Variants in FBXO8 observed in about 807,000 individuals in gnomAD.
FBXO8 encodes F-box protein 8, also known as F-box only protein 8.
A neutral mutation model predicts 33.4 loss-of-function variants in FBXO8; 15 were observed. The observed-to-expected ratio is 0.45, with a 90% CI of 0.30 to 0.69. The LOEUF is 0.69. FBXO8 is among the 30% of genes least tolerant of loss of function. The pLI is 0.08. For missense variants in FBXO8, 274 were observed against 380.3 expected (o/e 0.72, Z 2.32); for synonymous variants, 132 against 131.5 (o/e 1.00, Z -0.02).
intron 1 of FBXO8, among the ~76,000 whole-genome samples, chr4:174,279,386 C>T (rs760179160): frequency 3.8e-4 from 58 of 152,030 alleles, no homozygotes; most frequent in Non-Finnish European, 6.8e-4. Flanking sequence ...GGAAGTACAT[C>T]CTGTGGTTAC....
Position 174,237,750 on chromosome 4 carries a change from T to A in FBXO8, c.773-151A>T, listed in dbSNP as rs995443430. 16 of 679,912 alleles carry A rather than the reference T, an allele frequency of 2.4e-5. No individual in the cohort carries two copies. The African/African-American group carries it at 2.7e-4, about 12-fold the overall frequency. The allele number at this position is 679,912 out of a possible 1,614,324, so 42.1% of individuals were successfully genotyped here. ...CCAATCCATCCCAGTTTGTCTAGAC[T>A]CTTCCCAGTTTTGCACTGAAAGTCC... On this transcript the variant is annotated intron_variant, in intron 5 of 5. Transcript: ENST00000393674. The surrounding 1 kb of genome is among the most constrained non-coding windows in gnomAD (Gnocchi z 4.4).
Position 174,263,117 on chromosome 4 carries a change from A to C in FBXO8, c.-8-17T>G. 2 of 1,604,966 alleles carry C rather than the reference A, an allele frequency of 1.2e-6. No individual in the cohort carries two copies. Among genetic ancestry groups the C allele is most frequent in the Non-Finnish European group, 1.7e-6 (2 of 1,173,210 alleles). On this transcript the variant is annotated splice_polypyrimidine_tract_variant and intron_variant, in intron 1 of 5. Transcript: ENST00000393674. The surrounding 1 kb of genome is among the most constrained non-coding windows in gnomAD (Gnocchi z 4.2). The stretch of plus-strand genomic sequence containing the variant: ...TCTGCAAGCCTGGGAAAAAGCCAGA[A>C]TGTAATAAGGGTGACATTTAAAAAG...
At position 174,245,694 on chromosome 4, in the gene FBXO8, T is replaced by G. The variant is rs1057468091; in HGVS notation, c.457-4476A>C. Among the ~76,000 whole-genome samples the G allele has an allele frequency of 6.6e-6, 1 of 151,904 alleles. No homozygotes were observed. Among genetic ancestry groups the G allele is most frequent in the Admixed American group, 6.6e-5 (1 of 15,172 alleles). ...TAAAGATAAATAATGAAAGAAAAAT[T>G]AGATAGTGGGCTATTCAGCGGAGCA... On this transcript the variant is annotated intron_variant, in intron 3 of 5. Coordinates refer to ENST00000393674, the MANE Select transcript of FBXO8 (RefSeq NM_012180.3). The surrounding 1 kb of genome is among the most constrained non-coding windows in gnomAD (Gnocchi z 4.6).
chr4:174,241,049 C>A lies in FBXO8; in HGVS notation c.575+51G>T. 1 of 1,150,590 alleles carries A rather than the reference C, an allele frequency of 8.7e-7. No individual in the cohort carries two copies. Among genetic ancestry groups the A allele is most frequent in the Non-Finnish European group, 1.3e-6 (1 of 788,470 alleles). The allele number at this position is 1,150,590 out of a possible 1,614,324, so 71.3% of individuals were successfully genotyped here. On this transcript the variant is annotated intron_variant, in intron 4 of 5. Transcript: ENST00000393674. The surrounding 1 kb of genome is among the most constrained non-coding windows in gnomAD (Gnocchi z 4.2). ...AGTTTTAAAGTAAAACTTAACTCAT[C>A]AAAAACATTACTTAACTCATTTTGG...
chr4:174,266,545 T>A (rs952991326), intron 1 of FBXO8, among the ~76,000 whole-genome samples: 1 of 152,126 alleles, frequency 6.6e-6, no homozygotes, highest in African/African-American at 2.4e-5. Context: ...ATAATAGGGA[T>A]GTGAAACATG....
chr4:174,253,382 T>G lies in FBXO8; in HGVS notation c.456+6317A>C, dbSNP rs918209667. Reference sequence around the variant, plus strand: ...CACAGCATAACCACCTCCCCTCCTATCCCGTCTTCCTCCCTTTTAAAATTT... The same window carrying G: ...CACAGCATAACCACCTCCCCTCCTAGCCCGTCTTCCTCCCTTTTAAAATTT... On this transcript the variant is annotated intron_variant, in intron 3 of 5. Transcript: ENST00000393674. This position sits in a 1 kb window ranked among gnomAD's most constrained non-coding sequence, Gnocchi z 4.5. Among the ~76,000 whole-genome samples the G allele has an allele frequency of 6.6e-6, 1 of 152,130 alleles. No individual in the cohort carries two copies. The highest frequency in any genetic ancestry group is 1.5e-5 in the Non-Finnish European group (1 of 68,024).
At chr4:174,276,560 T>A (rs995206028) in intron 1 of FBXO8, among the ~76,000 whole-genome samples, 6 of 152,288 alleles carry the variant, frequency 3.9e-5, no homozygotes, top group East Asian at 1.9e-4. Context: ...TTAAAAAAAA[T>A]TTAAATATAT....
Position 174,275,899 on chromosome 4 carries a change from AC to A in FBXO8, c.-9+7510del, listed in dbSNP as rs1736950085. On this transcript the variant is annotated intron_variant, in intron 1 of 5. Transcript: ENST00000393674. The surrounding 1 kb of genome is among the most constrained non-coding windows in gnomAD (Gnocchi z 4.4). ...TTGACCACTTACATAGGATATATAA[AC>A]AACAGAGTAAGGTACAAATGCAAAA... 6.6e-6 allele frequency among the ~76,000 whole-genome samples: 1 copy of A among 152,210 alleles called. No individual in the cohort carries two copies. Among genetic ancestry groups the A allele is most frequent in the Non-Finnish European group, 1.5e-5 (1 of 68,024 alleles).
intron 3 of FBXO8, among the ~76,000 whole-genome samples, chr4:174,248,133 C>T (rs1047294662): frequency 9.2e-5 from 14 of 151,992 alleles, no homozygotes; most frequent in African/African-American, 3.4e-4. Context: ...CCTGTCATTT[C>T]ATTTCTTTCT....
intron 3 of FBXO8, among the ~76,000 whole-genome samples, chr4:174,242,667 G>A (rs1736067370): frequency 6.6e-6 from 1 of 150,448 alleles, no homozygotes. Flanking sequence ...AATGTAATAT[G>A]ATAAGATGGA....
At position 174,259,324 on chromosome 4, in the gene FBXO8, T is replaced by C. The variant is rs1330583211; in HGVS notation, c.456+375A>G. On this transcript the variant is annotated intron_variant, in intron 3 of 5. Transcript: ENST00000393674. This position sits in a 1 kb window ranked among gnomAD's most constrained non-coding sequence, Gnocchi z 4.3. ...TTATCTTTGATAAAAGTAACATCAC[T>C]ACTAAGGAAAAACAATAAACAGAAA... 3.9e-5 allele frequency among the ~76,000 whole-genome samples: 6 copies of C among 152,056 alleles called. No individual in the cohort carries two copies. Among genetic ancestry groups the C allele is most frequent in the Non-Finnish European group, 1.5e-5 (1 of 67,952 alleles).
Position 174,236,732 on chromosome 4 carries a change from T to G in FBXO8, c.*680A>C, listed in dbSNP as rs1030621775. 2.2e-4 allele frequency: 33 copies of G among 152,156 alleles called. No homozygotes were observed. The highest frequency in any genetic ancestry group is 9.2e-4 in the Admixed American group (14 of 15,280). The allele number at this position is 152,156 out of a possible 1,614,324, so 9.4% of individuals were successfully genotyped here. ...ATAAATTTTGATGTTTTAAAAATCC[T>G]AAATGGTTTAAAGGACTTACCGAGA... On this transcript the variant is annotated 3_prime_UTR_variant, in exon 6 of 6. Coordinates refer to ENST00000393674, the MANE Select transcript of FBXO8 (RefSeq NM_012180.3).
rs79954386 is a variant in FBXO8, at chr4:174,251,285, T to C, written c.456+8414A>G. Among the ~76,000 whole-genome samples, 514 of 152,268 alleles carry C rather than the reference T, an allele frequency of 3.4e-3. 1 individual carries two copies. The highest frequency in any genetic ancestry group is 0.011 in the African/African-American group (450 of 41,574). ...GAGCAAAATACATCAGGTGGTTTGATTGATGAATAAACTATGGAATATTCT... is the reference window on the plus strand; with the variant it reads ...GAGCAAAATACATCAGGTGGTTTGACTGATGAATAAACTATGGAATATTCT... On this transcript the variant is annotated intron_variant, in intron 3 of 5. Coordinates refer to ENST00000393674, the MANE Select transcript of FBXO8 (RefSeq NM_012180.3). The surrounding 1 kb of genome is among the most constrained non-coding windows in gnomAD (Gnocchi z 4.2).
chr4:174,259,649 A>G lies in FBXO8; in HGVS notation c.456+50T>C. 6 of 1,581,464 alleles carry G rather than the reference A, an allele frequency of 3.8e-6. No homozygotes were observed. The highest frequency in any genetic ancestry group is 5.1e-6 in the Non-Finnish European group (6 of 1,169,714). On this transcript the variant is annotated intron_variant, in intron 3 of 5. Coordinates refer to ENST00000393674, the MANE Select transcript of FBXO8 (RefSeq NM_012180.3). The surrounding 1 kb of genome is among the most constrained non-coding windows in gnomAD (Gnocchi z 4.3). ...GTTTATGATATTGGAAAGCTGCAGCAAGATAGTAATAAAGGTCACTGGATA... is the reference window on the plus strand; with the variant it reads ...GTTTATGATATTGGAAAGCTGCAGCGAGATAGTAATAAAGGTCACTGGATA...
chr4:174,279,748 G>A lies in FBXO8; in HGVS notation c.-9+3662C>T, dbSNP rs532277916. Among the ~76,000 whole-genome samples the A allele has an allele frequency of 2.0e-5, 3 of 152,160 alleles. No homozygotes were observed. In the East Asian group the frequency reaches 5.8e-4, roughly 29 times the overall value. ...TAGGTGTCAAGATCATTTAATGGGG[G>A]AAAGGACAGTCTTTTCAACAAATGG... On this transcript the variant is annotated intron_variant, in intron 1 of 5. Coordinates refer to ENST00000393674, the MANE Select transcript of FBXO8 (RefSeq NM_012180.3).
chr4:174,248,184 T>G (rs1736202048), intron 3 of FBXO8, among the ~76,000 whole-genome samples: 1 of 152,072 alleles, frequency 6.6e-6, no homozygotes, highest in South Asian at 2.1e-4. Flanking sequence ...TCTGTAATTT[T>G]CCATGACCTT....
chr4:174,267,745 C>G lies in FBXO8; in HGVS notation c.-8-4645G>C, dbSNP rs917343746. 1.3e-5 allele frequency among the ~76,000 whole-genome samples: 2 copies of G among 152,004 alleles called. No individual in the cohort carries two copies. The highest frequency in any genetic ancestry group is 2.9e-5 in the Non-Finnish European group (2 of 68,004). ...TTTGTGTTAAAAGTTTTAATAATAT[C>G]TTGGTATAAAGATTTTAAAACTGAA... On this transcript the variant is annotated intron_variant, in intron 1 of 5. Coordinates refer to ENST00000393674, the MANE Select transcript of FBXO8 (RefSeq NM_012180.3). The surrounding 1 kb of genome is among the most constrained non-coding windows in gnomAD (Gnocchi z 4.7).
In FBXO8 at chr4:174,241,663, T is replaced by C. The variant is rs183968769; in HGVS notation, c.457-445A>G. Among the ~76,000 whole-genome samples, 4 of 151,544 alleles carry C rather than the reference T, an allele frequency of 2.6e-5. No homozygotes were observed. The highest frequency in any genetic ancestry group is 2.0e-4 in the Admixed American group (3 of 15,164). On this transcript the variant is annotated intron_variant, in intron 3 of 5. Transcript: ENST00000393674. The surrounding 1 kb of genome is among the most constrained non-coding windows in gnomAD (Gnocchi z 4.2). ...AAAGAGCTTCTTGATAAAAAAATGC[T>C]CCAAATGAAAGACTAGCAATTTTAT...
rs1471570911 is a variant in FBXO8 at position 174,257,827 on chromosome 4, T to C, written c.456+1872A>G. ...GCGCCCTTGACCTCTGGGGCTCAAG[T>C]GGTCCTCCTACCTCAGCCTCCGGAG... On this transcript the variant is annotated intron_variant, in intron 3 of 5. Transcript: ENST00000393674. The surrounding 1 kb of genome is among the most constrained non-coding windows in gnomAD (Gnocchi z 4.3). Among the ~76,000 whole-genome samples the C allele has an allele frequency of 6.6e-6, 1 of 151,980 alleles. No individual in the cohort carries two copies. Among genetic ancestry groups the C allele is most frequent in the African/African-American group, 2.4e-5 (1 of 41,382 alleles).
Sources: gnomAD v4.1 joint callset for allele counts (sites outside exome capture counted in the v4.1 genomes callset) on GRCh38, gnomAD v4.1.1 for gene constraint, Gnocchi (gnomAD v3.1) non-coding constraint, MANE v1.5 for transcripts, NCBI Gene and HGNC (gene_info 2026-07-23, HGNC 2026-07-21) for gene names.